The following BDP1 variants were observed in gnomAD, a reference collection of about 807,000 sequenced individuals.
BDP1 encodes the protein transcription factor TFIIIB component B'' homolog.
Under a neutral mutation model 266.6 loss-of-function variants are expected in BDP1, and 169 were observed. The observed-to-expected ratio is 0.63, with a 90% CI of 0.56 to 0.72. BDP1 has a LOEUF of 0.72. Ranked by LOEUF, BDP1 falls within the 30% of genes least tolerant of loss-of-function variation. BDP1 has a pLI of 0.00. For missense variants in BDP1, 3,015 were observed against 3,053.8 expected (o/e 0.99, Z 0.30); for synonymous variants, 1,090 against 1,022.4 (o/e 1.07, Z -1.26).
intron 22 of BDP1, among the ~76,000 whole-genome samples, 187 bp downstream of exon 22, chr5:71,517,639 A>G (rs2150494528): frequency 6.6e-6 from 1 of 152,354 alleles, no homozygotes; most frequent in Non-Finnish European, 1.5e-5. Context: ...CATGGCTGAT[A>G]TTCTCTTAAG....
rs759060683 is a variant in BDP1 at position 71,509,580 on chromosome 5, A to G, written c.2488A>G (p.Lys830Glu). 9.3e-6 allele frequency: 15 copies of G among 1,613,704 alleles called. No homozygotes were observed. The highest frequency in any genetic ancestry group is 8.5e-7 in the Non-Finnish European group (1 of 1,179,958). Residue 830 changes from lysine to glutamate, a missense_variant, in exon 17 of 39, where the codon AAG becomes GAG. By Grantham distance (56) the Lys-to-Glu change is moderately conservative. This residue lies in a region of BDP1 where 2,383 missense variants were observed against 2,404.9 expected (regional missense o/e 0.99). Coordinates refer to ENST00000358731, the MANE Select transcript of BDP1 (RefSeq NM_018429.3). ...AACTGGAAGGAGAGAAATTTCCTCA[A>G]AGGAAGAGGTACTAGAGAAGATTCT... ...RGTGRREISS[K>E]EEVLEKILVS...
At chr5:71,456,118 A>T (rs748824541) in intron 1 of BDP1, 29 bp downstream of exon 1, 113 of 1,587,248 alleles carry the variant, frequency 7.1e-5, no homozygotes, top group Non-Finnish European at 8.4e-5. Flanking sequence ...AAGAATTTTC[A>T]TTTGTCCCGC....
At chr5:71,575,461 CAGTT>C in the BDP1 span, among the ~76,000 whole-genome samples, 2 of 152,184 alleles carry the variant, frequency 1.3e-5, no homozygotes, top group Non-Finnish European at 2.9e-5. Context: ...ATAGAGGAGT[CAGTT>C]AGCCCCTGGA....
chr5:71,497,303 G>T lies in BDP1; in HGVS notation c.1833G>T (p.Met611Ile). ...EIDQTENVKP[M>I]LRGRFQRPKP... ...ATCAAACAGAAAATGTTAAACCAAT[G>T]TTGAGAGGTCGCTTCCAAAGACCTA... The change falls in exon 13 of 39, where the codon ATG becomes ATT. Residue 611 changes from methionine to isoleucine, a missense_variant. Transcript: ENST00000358731. 8 of 1,613,798 alleles carry T rather than the reference G, an allele frequency of 5.0e-6. No homozygotes were observed. Among genetic ancestry groups the T allele is most frequent in the Non-Finnish European group, 6.8e-6 (8 of 1,179,890 alleles).
intron 6 of BDP1, among the ~76,000 whole-genome samples, chr5:71,468,923 T>C (rs1247251710): frequency 6.6e-6 from 1 of 152,126 alleles, no homozygotes; most frequent in Non-Finnish European, 1.5e-5. Flanking sequence ...ACAATATTTC[T>C]AATGCGAATA....
downstream of BDP1, among the ~76,000 whole-genome samples, chr5:71,569,264 T>C (rs923380661): frequency 6.6e-6 from 1 of 152,076 alleles, no homozygotes; most frequent in Non-Finnish European, 1.5e-5. Flanking sequence ...AGGCGAGACA[T>C]AGCGAGACCT....
chr5:71,473,988 T>TC (rs1438868129), intron 7 of BDP1, among the ~76,000 whole-genome samples: 25 of 152,194 alleles, frequency 1.6e-4, no homozygotes, highest in African/African-American at 4.3e-4. Context: ...GCTATACATT[T>TC]CGTTTTTTTT....
intron 27 of BDP1, among the ~76,000 whole-genome samples, 178 bp downstream of exon 27, chr5:71,539,256 TA>T (rs1021807238): frequency 1.3e-5 from 2 of 152,142 alleles, no homozygotes; most frequent in Non-Finnish European, 1.5e-5. Flanking sequence ...GAAGGTGAAT[TA>T]AAAAAATGTT....
intron 10 of BDP1, among the ~76,000 whole-genome samples, chr5:71,490,376 G>A (rs541206961): frequency 4.0e-5 from 6 of 151,854 alleles, no homozygotes; most frequent in Admixed American, 2.0e-4. Context: ...GCTCTTTTTT[G>A]GCTTATTGGA....
At chr5:71,463,023 G>A (rs1207239075) in intron 3 of BDP1, among the ~76,000 whole-genome samples, 2 of 152,044 alleles carry the variant, frequency 1.3e-5, no homozygotes, top group Non-Finnish European at 2.9e-5. Context: ...TGAGGTGGGA[G>A]GATCACTTGA....
Position 71,477,046 on chromosome 5 carries a change from A to G in BDP1, c.1014+6557A>G, listed in dbSNP as rs533855616. Among the ~76,000 whole-genome samples, 239 of 146,136 alleles carry G rather than the reference A, an allele frequency of 1.6e-3. 5 individuals carry two copies. The highest frequency in any genetic ancestry group is 0.013 in the Admixed American group (190 of 14,592). ...TTTTAAGTAGAGATGGGGTTTTGCTATGTTGGCCAGGCTCGTCTCAAACTT... is the reference window on the plus strand; with the variant it reads ...TTTTAAGTAGAGATGGGGTTTTGCTGTGTTGGCCAGGCTCGTCTCAAACTT... On this transcript the variant is annotated intron_variant, in intron 7 of 38. Coordinates refer to ENST00000358731, the MANE Select transcript of BDP1 (RefSeq NM_018429.3).
At chr5:71,558,953 G>A (rs1039738069) in intron 36 of BDP1, among the ~76,000 whole-genome samples, 4 of 151,844 alleles carry the variant, frequency 2.6e-5, no homozygotes, top group African/African-American at 9.7e-5. Flanking sequence ...CAGGAGTTCG[G>A]GAGCAGCCTG....
intron 17 of BDP1, among the ~76,000 whole-genome samples, 155 bp from the exon 18 acceptor site, chr5:71,512,086 A>G (rs555249195): frequency 3.9e-5 from 6 of 152,232 alleles, no homozygotes; most frequent in South Asian, 4.1e-4. Context: ...CTGAATTCCA[A>G]GTTTTAACAT....
At chr5:71,507,840 A>C (rs1469019621) in intron 16 of BDP1, among the ~76,000 whole-genome samples, 1 of 152,250 alleles carries the variant, frequency 6.6e-6, no homozygotes, top group Non-Finnish European at 1.5e-5. Context: ...TTTGAAAAGC[A>C]ATCTTATTCC....
chr5:71,524,255 G>T lies in BDP1; in HGVS notation c.5704G>T (p.Val1902Leu), dbSNP rs577608989. ...LAPEEVNKAPVFVPVGLRSPE... is the reference protein window; with the variant it reads ...LAPEEVNKAPLFVPVGLRSPE... ...TCCCGAAGAAGTAAACAAAGCTCCAGTATTTGTACCTGTTGGTCTCAGATC... is the reference window on the plus strand; with the variant it reads ...TCCCGAAGAAGTAAACAAAGCTCCATTATTTGTACCTGTTGGTCTCAGATC... Residue 1902 changes from valine to leucine, a missense_variant, in exon 25 of 39, where the codon GTA (valine) becomes TTA (leucine). By Grantham distance (32) the Val-to-Leu change is conservative. Transcript: ENST00000358731. The T allele has an allele frequency of 6.2e-7, 1 of 1,613,422 alleles. No homozygotes were observed. The highest frequency in any genetic ancestry group is 8.5e-7 in the Non-Finnish European group (1 of 1,179,364).
intron 16 of BDP1, among the ~76,000 whole-genome samples, chr5:71,508,581 G>A (rs1280133161): frequency 1.3e-5 from 2 of 151,754 alleles, no homozygotes; most frequent in African/African-American, 4.8e-5. Flanking sequence ...ATCATGCCCA[G>A]CTCAATACGT....
At position 71,524,540 on chromosome 5, in the gene BDP1, C is replaced by CAAT. The variant is rs34385386; in HGVS notation, c.5772+217_5772+218insAAT. On this transcript the variant is annotated intron_variant, in intron 25 of 38. Coordinates refer to ENST00000358731, the MANE Select transcript of BDP1 (RefSeq NM_018429.3). ...CCCAGCAAGGGAGTCAGTGTAACAACGAGAGAAATCTGCTTACACTTGTAC... is the reference window on the plus strand; with the variant it reads ...CCCAGCAAGGGAGTCAGTGTAACAACAATGAGAGAAATCTGCTTACACTTGTAC... Among the ~76,000 whole-genome samples, 68,025 of 151,756 alleles carry CAAT rather than the reference C, an allele frequency of 0.45. 15,584 individuals carry two copies. Among genetic ancestry groups the CAAT allele is most frequent in the South Asian group, 0.55 (2,636 of 4,812 alleles).
downstream of BDP1, among the ~76,000 whole-genome samples, chr5:71,572,511 A>G (rs937759535): frequency 1.3e-5 from 2 of 152,198 alleles, no homozygotes; most frequent in Non-Finnish European, 2.9e-5. Flanking sequence ...TCAGTGCCCT[A>G]AAAAGGTACT....
intron 33 of BDP1, 135 bp from the exon 34 acceptor site, chr5:71,549,285 T>G: frequency 2.7e-6 from 2 of 738,200 alleles, no homozygotes; most frequent in Non-Finnish European, 4.3e-6. Context: ...TGGGGGGTTG[T>G]TGGGGGGAGC....
Sources: gnomAD v4.1 joint callset for allele counts (sites outside exome capture counted in the v4.1 genomes callset) on GRCh38, gnomAD v4.1.1 for gene constraint, gnomAD v4.1.1 regional missense constraint, MANE v1.5 for transcripts, NCBI Gene and HGNC (gene_info 2026-07-23, HGNC 2026-07-21) for gene names.